Variants in KCNN2 observed in about 807,000 individuals in gnomAD.
KCNN2 encodes small conductance calcium-activated potassium channel protein 2.
Under a neutral mutation model 55.5 loss-of-function variants are expected in KCNN2, and 24 were observed. That is an observed-to-expected ratio of 0.43 (90% CI 0.31 to 0.61). The LOEUF (loss-of-function observed/expected upper bound fraction) is 0.61. Ranked by LOEUF, KCNN2 falls within the 20% of genes least tolerant of loss-of-function variation. The probability of loss-of-function intolerance (pLI) is 0.08; values close to 1 mark genes in which losing one functional copy is unlikely to be tolerated. For synonymous variants in KCNN2, 431 were observed against 336.1 expected (o/e 1.28, Z -3.09); for missense variants, 754 against 853.6 (o/e 0.88, Z 1.45).
intron 2 of KCNN2, among the ~76,000 whole-genome samples, chr5:114,322,433 T>C (rs1342947561): frequency 6.6e-6 from 1 of 152,226 alleles, no homozygotes; most frequent in African/African-American, 2.4e-5. Flanking sequence ...AAATCTCATA[T>C]AGTCATATCT....
intron 3 of KCNN2, among the ~76,000 whole-genome samples, chr5:114,427,267 C>T (rs751326514): frequency 6.6e-6 from 1 of 152,166 alleles, no homozygotes; most frequent in Non-Finnish European, 1.5e-5. Flanking sequence ...AAATATTTTC[C>T]AATTAACAAT....
At chr5:114,429,239 C>T (rs1309667411) in intron 3 of KCNN2, among the ~76,000 whole-genome samples, 2 of 151,970 alleles carry the variant, frequency 1.3e-5, no homozygotes, top group Non-Finnish European at 2.9e-5. Flanking sequence ...GTTTTTGCAA[C>T]AACAAATACT....
chr5:114,183,396 C>T (rs1753274343), intron 1 of KCNN2, among the ~76,000 whole-genome samples: 1 of 151,900 alleles, frequency 6.6e-6, no homozygotes, highest in Admixed American at 6.6e-5. Flanking sequence ...TCCCACTTTC[C>T]TGTTTTATGA....
At chr5:114,186,679 G>T (rs1190525075) in intron 1 of KCNN2, among the ~76,000 whole-genome samples, 7 of 152,120 alleles carry the variant, frequency 4.6e-5, no homozygotes, top group African/African-American at 9.7e-5. Flanking sequence ...AAGTGAAATG[G>T]ACCATTTATT....
chr5:114,340,774 C>CTATA (rs1757002631), intron 2 of KCNN2, among the ~76,000 whole-genome samples: 2 of 152,068 alleles, frequency 1.3e-5, no homozygotes, highest in African/African-American at 4.8e-5. Flanking sequence ...AGTCACTGTA[C>CTATA]TATAGTCTCC....
intron 5 of KCNN2, among the ~76,000 whole-genome samples, chr5:114,479,905 A>C (rs1762147862): frequency 6.6e-6 from 1 of 152,212 alleles, no homozygotes; most frequent in Non-Finnish European, 1.5e-5. Flanking sequence ...AATTTATAGC[A>C]CTAAATCCCC....
In KCNN2 at chr5:114,198,853, G is replaced by A. The variant is rs964123015; in HGVS notation, c.-270-22627G>A. ...GACTTGTTTTGTAGCCTAACGTGTGGTCTGTCTTGAAAAATGTTCCATGTG... is the reference window on the plus strand; with the variant it reads ...GACTTGTTTTGTAGCCTAACGTGTGATCTGTCTTGAAAAATGTTCCATGTG... On this transcript the variant is annotated intron_variant, in intron 1 of 10. Transcript: ENST00000512097. Among the ~76,000 whole-genome samples the A allele has an allele frequency of 2.6e-5, 4 of 151,968 alleles. No homozygotes were observed. The East Asian group carries it at 5.8e-4, about 22-fold the overall frequency.
intron 1 of KCNN2, among the ~76,000 whole-genome samples, chr5:114,125,792 T>C (rs1751918936): frequency 6.6e-6 from 1 of 152,226 alleles, no homozygotes; most frequent in Non-Finnish European, 1.5e-5. Context: ...CTTTACAGCA[T>C]CTTCCCTCCA....
At chr5:114,120,567 A>T (rs1280962492) in intron 1 of KCNN2, among the ~76,000 whole-genome samples, 1 of 152,154 alleles carries the variant, frequency 6.6e-6, no homozygotes, top group Admixed American at 6.5e-5. Flanking sequence ...ACCAGTGGTG[A>T]GCAATATCTT....
At chr5:114,427,110 A>G (rs1427403977) in intron 3 of KCNN2, among the ~76,000 whole-genome samples, 2 of 152,016 alleles carry the variant, frequency 1.3e-5, no homozygotes, top group African/African-American at 2.4e-5. Context: ...CACAGCACTC[A>G]CCATGTTTCC....
At chr5:114,446,507 G>C (rs910779874) in intron 3 of KCNN2, among the ~76,000 whole-genome samples, 26 of 152,068 alleles carry the variant, frequency 1.7e-4, no homozygotes, top group Admixed American at 1.6e-3. Context: ...GCCCAGGCTG[G>C]AGTGCAGCGG....
intron 2 of KCNN2, among the ~76,000 whole-genome samples, chr5:114,324,673 G>A (rs1320245048): frequency 6.6e-6 from 1 of 152,174 alleles, no homozygotes; most frequent in Non-Finnish European, 1.5e-5. Context: ...GTGATAATTT[G>A]TTACAGCAGC....
chr5:114,106,170 C>T (rs930711810), intron 1 of KCNN2, among the ~76,000 whole-genome samples: 1 of 151,184 alleles, frequency 6.6e-6, no homozygotes, highest in East Asian at 1.9e-4. Context: ...ACTTGTTAAT[C>T]TTTTTCAGCT....
chr5:114,069,064 C>G (rs1750510999), intron 1 of KCNN2, among the ~76,000 whole-genome samples: 1 of 152,162 alleles, frequency 6.6e-6, no homozygotes. Context: ...ATCTGCCAGC[C>G]TCGGCCTCCC....
At chr5:114,433,726 A>C (rs183045703) in intron 3 of KCNN2, 1 of 152,924 alleles carries the variant, frequency 6.5e-6, no homozygotes, top group Non-Finnish European at 1.5e-5. Context: ...AAGAGCTGTA[A>C]CACTCACGGC....
chr5:114,241,588 G>A (rs1051466069), intron 2 of KCNN2, among the ~76,000 whole-genome samples: 3 of 149,542 alleles, frequency 2.0e-5, no homozygotes, highest in Admixed American at 1.3e-4. Context: ...GCTGTCATGT[G>A]GAAAAGAAAA....
intron 2 of KCNN2, among the ~76,000 whole-genome samples, chr5:114,339,824 A>C (rs1756984703): frequency 6.6e-6 from 1 of 151,592 alleles, no homozygotes; most frequent in South Asian, 2.1e-4. Flanking sequence ...CAAATAAATA[A>C]ATAAATAAAT....
At chr5:114,364,077 T>G (rs1195892499) in intron 2 of KCNN2, 76 bp downstream of exon 2, 1 of 1,060,606 alleles carries the variant, frequency 9.4e-7, no homozygotes, top group Non-Finnish European at 1.5e-6. Context: ...CAGCAGAGGC[T>G]TTTTTCAAGC....
intron 1 of KCNN2, among the ~76,000 whole-genome samples, chr5:114,143,367 T>C (rs1752328279): frequency 6.6e-6 from 1 of 152,124 alleles, no homozygotes; most frequent in African/African-American, 2.4e-5. Context: ...TAATCAGTAG[T>C]AATAGTTGCA....
Sources: gnomAD v4.1 joint callset for allele counts (sites outside exome capture counted in the v4.1 genomes callset) on GRCh38, gnomAD v4.1.1 for gene constraint, MANE v1.5 for transcripts, NCBI Gene and HGNC (gene_info 2026-07-23, HGNC 2026-07-21) for gene names.